GALR2: variants seen among roughly 807,000 people sequenced by gnomAD.
GALR2 encodes galanin receptor type 2.
Under a neutral mutation model 7.2 loss-of-function variants are expected in GALR2, and 5 were observed. The ratio of observed to expected loss-of-function variants is 0.69; its 90% CI spans 0.36 to 1.45. GALR2 has a LOEUF of 1.45. Ranked by LOEUF, GALR2 falls within the 40% of genes most tolerant of loss-of-function variation. The pLI, the probability that GALR2 is intolerant of heterozygous loss-of-function variation, is 0.03. For synonymous variants in GALR2, 300 were observed against 263.9 expected (o/e 1.14, Z -1.32); for missense variants, 561 against 555.7 (o/e 1.01, Z -0.10).
upstream of GALR2, chr17:76,072,243 C>T: frequency 1.3e-6 from 2 of 1,599,390 alleles, no homozygotes; most frequent in Non-Finnish European, 1.7e-6. This position sits in a 1 kb window ranked among gnomAD's most constrained non-coding sequence, Gnocchi z 4.5. Context: ...CGCCGCCTCT[C>T]CCGCCCCCAG....
At chr17:76,071,996 A>G, upstream of GALR2, 1 of 478,216 alleles carries the variant, frequency 2.1e-6, no homozygotes, top group Non-Finnish European at 3.7e-6. This position sits in a 1 kb window ranked among gnomAD's most constrained non-coding sequence, Gnocchi z 4.7. Context: ...GTGCCAAAGC[A>G]AGGTGCTCAA....
upstream of GALR2, among the ~76,000 whole-genome samples, chr17:76,074,140 T>C (rs2066875567): frequency 6.8e-6 from 1 of 147,932 alleles, no homozygotes; most frequent in South Asian, 2.1e-4. The surrounding 1 kb of genome is among the most constrained non-coding windows in gnomAD (Gnocchi z 6.7). Flanking sequence ...AGTGAGACTC[T>C]GTCTCAACAA....
chr17:76,073,866 C>A (rs1275908510), upstream of GALR2, among the ~76,000 whole-genome samples: 1 of 151,748 alleles, frequency 6.6e-6, no homozygotes, highest in Non-Finnish European at 1.5e-5. Context: ...AAAAAGGTGG[C>A]CGGGCTCGGT....
upstream of GALR2, chr17:76,072,506 G>T (rs767965962): frequency 6.1e-5 from 97 of 1,580,142 alleles, no homozygotes; most frequent in Middle Eastern, 2.0e-4. The surrounding 1 kb of genome is among the most constrained non-coding windows in gnomAD (Gnocchi z 4.5). Flanking sequence ...CCCCTGCGCC[G>T]CAGAGCAAGA....
At chr17:76,073,971 C>A (rs530791489), upstream of GALR2, among the ~76,000 whole-genome samples, 1 of 152,090 alleles carries the variant, frequency 6.6e-6, no homozygotes, top group South Asian at 2.1e-4. Flanking sequence ...CATGGTGAAA[C>A]CCCATTTCTA....
upstream of GALR2, among the ~76,000 whole-genome samples, chr17:76,073,867 C>T (rs1242439748): frequency 3.3e-5 from 5 of 151,696 alleles, no homozygotes; most frequent in South Asian, 4.2e-4. Flanking sequence ...AAAAGGTGGC[C>T]GGGCTCGGTG....
Position 76,075,150 on chromosome 17 carries a change from C to T in GALR2, c.267C>T (p.Asp89=). 4.3e-6 allele frequency: 7 copies of T among 1,612,396 alleles called. No homozygotes were observed. The highest frequency in any genetic ancestry group is 5.9e-6 in the Non-Finnish European group (7 of 1,179,792). ...VPFQATIYTL[D]GWVFGSLLCK... ...TCCAGGCCACCATCTACACCCTGGA[C>T]GGCTGGGTGTTCGGCTCGCTGCTGT... The change falls in exon 1 of 2, where the codon GAC becomes GAT. Residue 89 remains aspartate, a synonymous_variant. Transcript: ENST00000329003. The surrounding 1 kb of genome is among the most constrained non-coding windows in gnomAD (Gnocchi z 5.9).
rs148596206 is a variant in GALR2, at chr17:76,076,850, A to G, written c.583A>G (p.Ser195Gly). 1.9e-6 allele frequency: 3 copies of G among 1,604,878 alleles called. No homozygotes were observed. The highest frequency in any genetic ancestry group is 2.2e-5 in the South Asian group (2 of 91,056). Reference sequence around the variant, plus strand: ...CATGGACATCTGCACCTTCGTCTTCAGCTACCTGCTTCCTGTGCTGGTTCT... The same window carrying G: ...CATGGACATCTGCACCTTCGTCTTCGGCTACCTGCTTCCTGTGCTGGTTCT... Reference protein sequence around the residue: ...RAMDICTFVFSYLLPVLVLGL... With the variant: ...RAMDICTFVFGYLLPVLVLGL... Residue 195 changes from serine to glycine, a missense_variant, in exon 2 of 2, where the codon AGC becomes GGC. Coordinates refer to ENST00000329003, the MANE Select transcript of GALR2 (RefSeq NM_003857.4). The surrounding 1 kb of genome is among the most constrained non-coding windows in gnomAD (Gnocchi z 6.5).
chr17:76,074,803 C>G lies in GALR2; in HGVS notation c.-81C>G, dbSNP rs2066879416. ...GGCAGAGTCGCACTAGGAGTTGCAGCGGCCGCAGCCCCGGGAGCTTCCCGC... is the reference window on the plus strand; with the variant it reads ...GGCAGAGTCGCACTAGGAGTTGCAGGGGCCGCAGCCCCGGGAGCTTCCCGC... On this transcript the variant is annotated 5_prime_UTR_variant, in exon 1 of 2. Transcript: ENST00000329003. This position sits in a 1 kb window ranked among gnomAD's most constrained non-coding sequence, Gnocchi z 6.7. 2.9e-6 allele frequency: 4 copies of G among 1,388,680 alleles called. No individual in the cohort carries two copies. In the African/African-American group the frequency reaches 5.9e-5, roughly 21 times the overall value. 86.0% of individuals were successfully genotyped at this position (1,388,680 alleles called of 1,614,324 possible). A position where few individuals can be genotyped will look rare whatever the true frequency, so the allele number is the denominator to read the frequency against.
rs917027307 is a variant in GALR2, at chr17:76,075,962, G to A, written c.369-674G>A. ...AGAGGAGAGCGAGAGACGCACATTC[G>A]GGAGAGCGCGGGACTCAGGTGGAGC... On this transcript the variant is annotated intron_variant, in intron 1 of 1. Coordinates refer to ENST00000329003, the MANE Select transcript of GALR2 (RefSeq NM_003857.4). This position sits in a 1 kb window ranked among gnomAD's most constrained non-coding sequence, Gnocchi z 5.9. Among the ~76,000 whole-genome samples the A allele has an allele frequency of 6.6e-6, 1 of 152,218 alleles. No homozygotes were observed. Among genetic ancestry groups the A allele is most frequent in the South Asian group, 2.1e-4 (1 of 4,826 alleles).
Position 76,077,083 on chromosome 17 carries a change from G to T in GALR2, c.816G>T (p.Ala272=), listed in dbSNP as rs749314723. The change falls in exon 2 of 2, where the codon GCG becomes GCT. Residue 272 remains alanine (A), a synonymous_variant. Coordinates refer to ENST00000329003, the MANE Select transcript of GALR2 (RefSeq NM_003857.4). ...TCCCGCTCACGCGCGCCACTTATGCGCTTCGCATCCTCTCGCACCTGGTCT... is the reference window on the plus strand; with the variant it reads ...TCCCGCTCACGCGCGCCACTTATGCTCTTCGCATCCTCTCGCACCTGGTCT... The part of the protein sequence containing the change: ...GQFPLTRATY[A]LRILSHLVSY... 1.3e-5 allele frequency: 21 copies of T among 1,613,026 alleles called. No homozygotes were observed. Among genetic ancestry groups the T allele is most frequent in the African/African-American group, 4.0e-5 (3 of 75,056 alleles).
In GALR2 at chr17:76,076,294, T is replaced by C. The variant is rs1052221607; in HGVS notation, c.369-342T>C. The stretch of plus-strand genomic sequence containing the variant: ...GGTAGTCACAGCCTCCCGGAGCCCA[T>C]AGCCGGTTCTCCAACCTTTAGTCTT... On this transcript the variant is annotated intron_variant, in intron 1 of 1. Coordinates refer to ENST00000329003, the MANE Select transcript of GALR2 (RefSeq NM_003857.4). This position sits in a 1 kb window ranked among gnomAD's most constrained non-coding sequence, Gnocchi z 6.5. 2.0e-5 allele frequency among the ~76,000 whole-genome samples: 3 copies of C among 152,184 alleles called. No homozygotes were observed. Among genetic ancestry groups the C allele is most frequent in the African/African-American group, 4.8e-5 (2 of 41,458 alleles).
At chr17:76,072,049 G>T (rs2066856815), upstream of GALR2, 2 of 612,764 alleles carry the variant, frequency 3.3e-6, no homozygotes, top group Admixed American at 3.6e-5. This position sits in a 1 kb window ranked among gnomAD's most constrained non-coding sequence, Gnocchi z 4.5. Flanking sequence ...CAACTGCGGG[G>T]CACCAGGGGA....
At chr17:76,072,842 G>C (rs2066867652), upstream of GALR2, among the ~76,000 whole-genome samples, 1 of 152,258 alleles carries the variant, frequency 6.6e-6, no homozygotes, top group Non-Finnish European at 1.5e-5. The surrounding 1 kb of genome is among the most constrained non-coding windows in gnomAD (Gnocchi z 4.5). Context: ...CCAGCAGAAA[G>C]CAGGAGACCA....
chr17:76,075,325 C>G lies in GALR2; in HGVS notation c.368+74C>G. 1.3e-6 allele frequency: 2 copies of G among 1,482,082 alleles called. No homozygotes were observed. The highest frequency in any genetic ancestry group is 2.3e-4 in the Middle Eastern group (1 of 4,388). The allele number at this position is 1,482,082 out of a possible 1,614,324, so 91.8% of individuals were successfully genotyped here. On this transcript the variant is annotated intron_variant, in intron 1 of 1. Transcript: ENST00000329003. The surrounding 1 kb of genome is among the most constrained non-coding windows in gnomAD (Gnocchi z 5.9). ...ATGGAGCGGGAGGCGGGACTGGGGA[C>G]CAAGAAGGGACGCGCAGAGTGGGAC...
Position 76,077,246 on chromosome 17 carries a change from C to G in GALR2, c.979C>G (p.Arg327Gly). Residue 327 changes from arginine (R) to glycine (G), a missense_variant, in exon 2 of 2, where the codon CGG becomes GGG. By Grantham distance (125) the Arg-to-Gly change is moderately radical. Coordinates refer to ENST00000329003, the MANE Select transcript of GALR2 (RefSeq NM_003857.4). The stretch of plus-strand genomic sequence containing the variant: ...CTCGGGCCGTGTGTGCGCTGCCGCG[C>G]GGGGCACCCACAGTGGCAGCGTGTT... ...RASGRVCAAA[R>G]GTHSGSVLER... The G allele has an allele frequency of 1.2e-6, 2 of 1,605,028 alleles. No individual in the cohort carries two copies. Among genetic ancestry groups the G allele is most frequent in the South Asian group, 2.2e-5 (2 of 90,390 alleles).
At position 76,076,748 on chromosome 17, in the gene GALR2, C is replaced by G. The variant is rs1346969630; in HGVS notation, c.481C>G (p.Leu161Val). Residue 161 changes from leucine to valine, a missense_variant, in exon 2 of 2, where the codon CTG becomes GTG. Physicochemically the swap from Leu to Val is conservative, Grantham distance 32 (BLOSUM62 1). Transcript: ENST00000329003. This position sits in a 1 kb window ranked among gnomAD's most constrained non-coding sequence, Gnocchi z 6.5. The stretch of plus-strand genomic sequence containing the variant: ...GTCGCTGCTCTTCTCCGGGCCCTAC[C>G]TGAGCTACTACCGCCAGTCGCAGCT... Reference protein sequence around the residue: ...GLSLLFSGPYLSYYRQSQLAN... With the variant: ...GLSLLFSGPYVSYYRQSQLAN... 3 of 1,605,684 alleles carry G rather than the reference C, an allele frequency of 1.9e-6. No homozygotes were observed. Among genetic ancestry groups the G allele is most frequent in the Non-Finnish European group, 1.7e-6 (2 of 1,179,834 alleles).
rs766272954 is a variant in GALR2, at chr17:76,077,245, G to A, written c.978G>A (p.Ala326=). 17 of 1,605,132 alleles carry A rather than the reference G, an allele frequency of 1.1e-5. No individual in the cohort carries two copies. The African/African-American group carries it at 1.7e-4, about 16-fold the overall frequency. The part of the protein sequence containing the change: ...GRASGRVCAA[A]RGTHSGSVLE... The stretch of plus-strand genomic sequence containing the variant: ...CCTCGGGCCGTGTGTGCGCTGCCGC[G>A]CGGGGCACCCACAGTGGCAGCGTGT... Residue 326 remains alanine, a synonymous_variant, in exon 2 of 2, where the codon GCG becomes GCA. Transcript: ENST00000329003.
chr17:76,074,787 G>T lies in GALR2; in HGVS notation c.-97G>T, dbSNP rs532957369. The T allele has an allele frequency of 1.7e-3, 2,178 of 1,292,028 alleles. 5 individuals carry two copies. Among genetic ancestry groups the T allele is most frequent in the Admixed American group, 2.5e-3 (86 of 33,944 alleles). 80.0% of individuals were successfully genotyped at this position (1,292,028 alleles called of 1,614,324 possible). The stretch of plus-strand genomic sequence containing the variant: ...CCTCCGCCTTCAGCCCGGCAGAGTC[G>T]CACTAGGAGTTGCAGCGGCCGCAGC... On this transcript the variant is annotated 5_prime_UTR_variant, in exon 1 of 2. Coordinates refer to ENST00000329003, the MANE Select transcript of GALR2 (RefSeq NM_003857.4). The surrounding 1 kb of genome is among the most constrained non-coding windows in gnomAD (Gnocchi z 6.7).
Sources: allele counts gnomAD v4.1 joint callset (sites outside exome capture counted in the v4.1 genomes callset), GRCh38; gene constraint gnomAD v4.1.1; non-coding constraint Gnocchi (gnomAD v3.1); transcripts MANE v1.5; gene names NCBI Gene and HGNC (gene_info 2026-07-23, HGNC 2026-07-21).